Variants in SGIP1 observed in about 807,000 individuals in gnomAD.
SGIP1 encodes the protein SH3GL interacting endocytic adaptor 1.
A neutral mutation model predicts 107.5 loss-of-function variants in SGIP1; 38 were observed. The ratio of observed to expected loss-of-function variants is 0.35; its 90% CI spans 0.27 to 0.46. The LOEUF is 0.46. Among genes scored for constraint, SGIP1 ranks in the 20% least tolerant of loss-of-function variants. The probability of loss-of-function intolerance (pLI) is 1.00; values close to 1 mark genes in which losing one functional copy is unlikely to be tolerated. For synonymous variants in SGIP1, 365 were observed against 366.1 expected (o/e 1.00, Z 0.03); for missense variants, 929 against 1,019.5 (o/e 0.91, Z 1.21).
At chr1:66,671,716 G>A (rs2083861427) in intron 10 of SGIP1, among the ~76,000 whole-genome samples, 1 of 152,180 alleles carries the variant, frequency 6.6e-6, no homozygotes, top group South Asian at 2.1e-4. Flanking sequence ...GCTTGTCACG[G>A]AAGTTCCTTA....
chr1:66,740,558 C>A, intron 22 of SGIP1, 100 bp from the exon 23 acceptor site: 2 of 725,142 alleles, frequency 2.8e-6, no homozygotes, highest in East Asian at 2.7e-5. Flanking sequence ...AGTTTTCAAG[C>A]TCTATTTTAA....
chr1:66,624,075 A>G (rs2071969196), intron 1 of SGIP1, among the ~76,000 whole-genome samples: 1 of 152,204 alleles, frequency 6.6e-6, no homozygotes, highest in Non-Finnish European at 1.5e-5. Flanking sequence ...CTCATAGGTC[A>G]AGTTACAGGA....
At chr1:66,544,954 G>C (rs1383641909) in intron 1 of SGIP1, among the ~76,000 whole-genome samples, 4 of 152,140 alleles carry the variant, frequency 2.6e-5, no homozygotes, top group Non-Finnish European at 4.4e-5. Flanking sequence ...AGCCAAGCTA[G>C]AGTCACTGCT....
At position 66,746,107 on chromosome 1, in the gene SGIP1, G is replaced by A. The variant is rs1197185914; in HGVS notation, c.*3012G>A. 1 of 152,094 alleles carries A rather than the reference G, an allele frequency of 6.6e-6. No individual in the cohort carries two copies. Among genetic ancestry groups the A allele is most frequent in the Non-Finnish European group, 1.5e-5 (1 of 67,956 alleles). The allele number at this position is 152,094 out of a possible 1,614,324, so 9.4% of individuals were successfully genotyped here. On this transcript the variant is annotated 3_prime_UTR_variant, in exon 25 of 25. Coordinates refer to ENST00000371037, the MANE Select transcript of SGIP1 (RefSeq NM_032291.4). ...TTGTTTTATATATTCTTAGTCAGCA[G>A]AGTGTTTGAGCTATAATTACAAGTA...
intron 2 of SGIP1, among the ~76,000 whole-genome samples, chr1:66,630,802 G>GAAAGAAAGAAA (rs1558132327): frequency 3.5e-5 from 2 of 57,604 alleles, no homozygotes; most frequent in East Asian, 4.1e-4. Flanking sequence ...GCAAAACTCC[G>GAAAGAAAGAAA]GAAAGAAAGA....
At position 66,682,168 on chromosome 1, in the gene SGIP1, T is replaced by G; in HGVS notation, c.1114T>G (p.Ser372Ala). ...GPPGPPRNVLSPLNLEEVQKK... is the reference protein window; with the variant it reads ...GPPGPPRNVLAPLNLEEVQKK... ...TCCTGGGCCTCCTCGCAATGTACTA[T>G]CGCCGCTCAATTTAGAAGAAGTCCA... is the stretch of plus-strand genomic sequence containing the variant. The change falls in exon 15 of 25, where the codon TCG becomes GCG. Residue 372 changes from serine (S) to alanine (A), a missense_variant. By Grantham distance (99) the Ser-to-Ala change is moderately conservative. Around this residue, in one of 2 missense-constraint regions of SGIP1, gnomAD observed 588 missense variants for 588.6 expected, o/e 1.00. Transcript: ENST00000371037. The G allele has an allele frequency of 1.2e-6, 2 of 1,614,174 alleles. No individual in the cohort carries two copies. Among genetic ancestry groups the G allele is most frequent in the Non-Finnish European group, 1.7e-6 (2 of 1,180,030 alleles).
At chr1:66,579,359 G>A (rs1357467815) in intron 1 of SGIP1, among the ~76,000 whole-genome samples, 2 of 152,106 alleles carry the variant, frequency 1.3e-5, no homozygotes, top group African/African-American at 4.8e-5. Context: ...GGTAGACATA[G>A]GAATGCCTAT....
At chr1:66,632,675 G>A (rs1210671966) in intron 2 of SGIP1, among the ~76,000 whole-genome samples, 2 of 152,150 alleles carry the variant, frequency 1.3e-5, no homozygotes, top group South Asian at 2.1e-4. Context: ...AGATGAGAGA[G>A]CAAATTGGTT....
intron 19 of SGIP1, among the ~76,000 whole-genome samples, chr1:66,724,461 G>A (rs1443402688): frequency 6.6e-6 from 1 of 152,040 alleles, no homozygotes; most frequent in Non-Finnish European, 1.5e-5. Flanking sequence ...GAAAATTTCA[G>A]GTCAATTTAG....
chr1:66,631,065 A>AAG (rs1224526215), intron 2 of SGIP1, among the ~76,000 whole-genome samples: 1 of 131,592 alleles, frequency 7.6e-6, no homozygotes, highest in Non-Finnish European at 1.7e-5. Context: ...GAAAGAAAGA[A>AAG]AGAAAGAAAG....
chr1:66,599,371 A>G (rs767786481), intron 1 of SGIP1, among the ~76,000 whole-genome samples: 6 of 151,964 alleles, frequency 3.9e-5, no homozygotes, highest in Non-Finnish European at 8.8e-5. Context: ...AGATTTACAG[A>G]GTTTTAGTGA....
At position 66,747,127 on chromosome 1, in the gene SGIP1, A is replaced by G. The variant is rs545929713; in HGVS notation, c.*4032A>G. 2.6e-4 allele frequency: 40 copies of G among 152,214 alleles called. No individual in the cohort carries two copies. Among genetic ancestry groups the G allele is most frequent in the African/African-American group, 8.9e-4 (37 of 41,582 alleles). The allele number at this position is 152,214 out of a possible 1,614,324, so 9.4% of individuals were successfully genotyped here. A position where few individuals can be genotyped will look rare whatever the true frequency, so the allele number is the denominator to read the frequency against. ...TTTGTGGCATTATAAGGAAACATGTATAATCAAGTTCATACAAGCTATACA... is the reference window on the plus strand; with the variant it reads ...TTTGTGGCATTATAAGGAAACATGTGTAATCAAGTTCATACAAGCTATACA... On this transcript the variant is annotated 3_prime_UTR_variant, in exon 25 of 25. Coordinates refer to ENST00000371037, the MANE Select transcript of SGIP1 (RefSeq NM_032291.4).
At chr1:66,679,245 A>G (rs187262329) in intron 13 of SGIP1, among the ~76,000 whole-genome samples, 1 of 152,180 alleles carries the variant, frequency 6.6e-6, no homozygotes, top group African/African-American at 2.4e-5. Context: ...CCCCCACCCA[A>G]CCTGTGATTT....
chr1:66,625,145 A>G (rs1478107894), intron 1 of SGIP1, among the ~76,000 whole-genome samples: 1 of 152,212 alleles, frequency 6.6e-6, no homozygotes, highest in Non-Finnish European at 1.5e-5. Context: ...TGGGGAGCAT[A>G]GAGTAGTCAG....
At chr1:66,580,643 A>G (rs974025211) in intron 1 of SGIP1, among the ~76,000 whole-genome samples, 1 of 152,150 alleles carries the variant, frequency 6.6e-6, no homozygotes, top group African/African-American at 2.4e-5. Context: ...AATAACATCC[A>G]ATATAGCAAT....
At chr1:66,605,698 A>T (rs980972664) in intron 1 of SGIP1, among the ~76,000 whole-genome samples, 13 of 151,992 alleles carry the variant, frequency 8.6e-5, no homozygotes, top group African/African-American at 3.1e-4. Context: ...CCGTTCATCA[A>T]GGTTTTTATT....
intron 18 of SGIP1, among the ~76,000 whole-genome samples, chr1:66,708,529 T>C (rs2092685777): frequency 6.6e-6 from 1 of 152,204 alleles, no homozygotes; most frequent in Non-Finnish European, 1.5e-5. Flanking sequence ...TTGTCTTCTG[T>C]CTTATGTTCA....
chr1:66,697,783 C>T (rs1404038094), intron 18 of SGIP1, among the ~76,000 whole-genome samples: 1 of 152,092 alleles, frequency 6.6e-6, no homozygotes, highest in Non-Finnish European at 1.5e-5. Flanking sequence ...GAAATGGTGA[C>T]ATTTTAATTT....
At chr1:66,705,285 CTG>C (rs1031644030) in intron 18 of SGIP1, among the ~76,000 whole-genome samples, 4 of 152,156 alleles carry the variant, frequency 2.6e-5, no homozygotes, top group Non-Finnish European at 5.9e-5. Context: ...GCAGCGTGTG[CTG>C]TGTGTGTTTA....
Sources: gnomAD v4.1 joint callset for allele counts (sites outside exome capture counted in the v4.1 genomes callset) on GRCh38, gnomAD v4.1.1 for gene constraint, gnomAD v4.1.1 regional missense constraint, MANE v1.5 for transcripts, NCBI Gene and HGNC (gene_info 2026-07-23, HGNC 2026-07-21) for gene names.